NTRK2: variants seen among roughly 807,000 people sequenced by gnomAD.
The protein encoded by NTRK2 is neurotrophic receptor tyrosine kinase 2.
Under a neutral mutation model 94.5 loss-of-function variants are expected in NTRK2, and 13 were observed. The ratio of observed to expected loss-of-function variants is 0.14; its 90% CI spans 0.09 to 0.22. The LOEUF (loss-of-function observed/expected upper bound fraction) is 0.22, where lower values mean the gene tolerates loss of function less well. NTRK2 is among the 10% of genes least tolerant of loss of function. NTRK2 has a pLI of 1.00. For missense variants in NTRK2, 639 were observed against 1,071.2 expected, an observed-to-expected ratio of 0.60 and a Z score of 5.63; for synonymous variants, 372 against 407.4, an observed-to-expected ratio of 0.91 and a Z score of 1.05.
intron 12 of NTRK2, among the ~76,000 whole-genome samples, chr9:84,821,809 G>A (rs889026111): frequency 1.2e-5 from 1 of 86,912 alleles, no homozygotes; most frequent in African/African-American, 4.1e-5. Flanking sequence ...CAGAGAGGGA[G>A]AGAAGTAGAG....
intron 17 of NTRK2, among the ~76,000 whole-genome samples, chr9:84,986,903 T>C (rs993981945): frequency 6.6e-6 from 1 of 152,184 alleles, no homozygotes; most frequent in Admixed American, 6.5e-5. Context: ...CTAGAAAACA[T>C]GCAAAAGTAT....
chr9:85,003,836 ATATGT>A (rs1830584492), intron 17 of NTRK2, among the ~76,000 whole-genome samples: 1 of 151,024 alleles, frequency 6.6e-6, no homozygotes, highest in African/African-American at 2.4e-5. Flanking sequence ...TGCAATCAGA[ATATGT>A]TCTGCAGGTA....
At chr9:84,811,927 C>G (rs1218582403) in intron 12 of NTRK2, 1 of 980,308 alleles carries the variant, frequency 1.0e-6, no homozygotes, top group African/African-American at 1.8e-5. Context: ...CCACCCCACC[C>G]TGTTCCTTTT....
At chr9:84,875,317 G>A (rs199759267) in intron 14 of NTRK2, 5 of 1,059,448 alleles carry the variant, frequency 4.7e-6, no homozygotes, top group Admixed American at 5.4e-5. Context: ...GGTTAAGAGC[G>A]GGGGTCTGGC....
intron 12 of NTRK2, among the ~76,000 whole-genome samples, chr9:84,800,356 A>G (rs2070270521): frequency 6.6e-6 from 1 of 152,154 alleles, no homozygotes; most frequent in Non-Finnish European, 1.5e-5. Context: ...GGCACCTGCC[A>G]TCACACCAGC....
chr9:84,966,067 T>A lies in NTRK2; in HGVS notation c.2172+10550T>A, dbSNP rs79836430. The stretch of plus-strand genomic sequence containing the variant: ...ACCATAAGAACTTAGCACAGTCATG[T>A]TGCCTGAGGGATTCTGCTTACCAGG... On this transcript the variant is annotated intron_variant, in intron 17 of 18. Transcript: ENST00000277120. 8.8e-3 allele frequency among the ~76,000 whole-genome samples: 1,335 copies of A among 152,344 alleles called. 17 individuals carry two copies. Among genetic ancestry groups the A allele is most frequent in the African/African-American group, 0.03 (1,252 of 41,582 alleles).
chr9:84,676,535 T>C (rs1221853381), intron 2 of NTRK2, among the ~76,000 whole-genome samples: 1 of 152,174 alleles, frequency 6.6e-6, no homozygotes, highest in East Asian at 1.9e-4. Context: ...GAAAGGGCTT[T>C]AGAAATGATC....
chr9:84,870,122 T>TATATATATAC (rs1564410499), intron 14 of NTRK2, among the ~76,000 whole-genome samples: 23 of 132,990 alleles, frequency 1.7e-4, no homozygotes, highest in African/African-American at 6.2e-4. Flanking sequence ...TATATATATA[T>TATATATATAC]ATATACACAC....
At position 84,999,422 on chromosome 9, in the gene NTRK2, G is replaced by A. The variant is rs188079856; in HGVS notation, c.2173-20784G>A. 3.4e-4 allele frequency among the ~76,000 whole-genome samples: 52 copies of A among 152,006 alleles called. 1 individual carries two copies. In the East Asian group the frequency reaches 7.7e-3, roughly 23 times the overall value. On this transcript the variant is annotated intron_variant, in intron 17 of 18. Transcript: ENST00000277120. ...TAGCTATGGTACTACCAGCATATTG[G>A]GCCATTAGGGCACAAATTATTATAA...
At chr9:84,910,512 A>C (rs994600514) in intron 14 of NTRK2, among the ~76,000 whole-genome samples, 1 of 152,124 alleles carries the variant, frequency 6.6e-6, no homozygotes, top group Admixed American at 6.5e-5. Context: ...CATTGGATTT[A>C]AGGCCTACTC....
rs1373575512 is a variant in NTRK2 at position 85,025,151 on chromosome 9, T to C, written c.*3714T>C. On this transcript the variant is annotated 3_prime_UTR_variant, in exon 19 of 19. Coordinates refer to ENST00000277120, the MANE Select transcript of NTRK2 (RefSeq NM_006180.6). ...CTTTTCAACTCTGTGCAGTACTGCA[T>C]GGGTGGAAGACATATTTAAGATAAT... The C allele has an allele frequency of 1.3e-5, 3 of 233,078 alleles. No homozygotes were observed. Among genetic ancestry groups the C allele is most frequent in the South Asian group, 1.8e-4 (1 of 5,536 alleles). The allele number at this position is 233,078 out of a possible 1,614,324, so 14.4% of individuals were successfully genotyped here. A position where few individuals can be genotyped will look rare whatever the true frequency, so the allele number is the denominator to read the frequency against.
At chr9:84,878,896 A>T (rs950162849) in intron 14 of NTRK2, among the ~76,000 whole-genome samples, 1 of 152,134 alleles carries the variant, frequency 6.6e-6, no homozygotes, top group Non-Finnish European at 1.5e-5. Context: ...ATTGTCTGTC[A>T]GTCTTCGGAT....
At chr9:84,873,803 A>G (rs3780634) in intron 14 of NTRK2, 178,257 of 1,056,366 alleles carry the variant, frequency 0.17, 15,515 homozygotes, top group Admixed American at 0.23. Context: ...AATATCACCC[A>G]AGTATAGTAT....
intron 16 of NTRK2, among the ~76,000 whole-genome samples, chr9:84,951,747 C>A (rs1187278218): frequency 1.3e-5 from 2 of 152,164 alleles, no homozygotes; most frequent in African/African-American, 4.8e-5. Context: ...TTTGCCATGC[C>A]AAAAGTCTAG....
intron 14 of NTRK2, chr9:84,876,492 TAG>T: frequency 9.5e-7 from 1 of 1,055,158 alleles, no homozygotes; most frequent in Non-Finnish European, 1.1e-6. Context: ...TACTGAGGAA[TAG>T]AGAGGCACTA....
At chr9:84,791,134 T>C (rs927914596) in intron 12 of NTRK2, among the ~76,000 whole-genome samples, 16 of 152,182 alleles carry the variant, frequency 1.1e-4, no homozygotes, top group Non-Finnish European at 2.9e-5. Flanking sequence ...TGGTAACTTA[T>C]GCAAAAAGTT....
intron 4 of NTRK2, among the ~76,000 whole-genome samples, chr9:84,705,952 G>T (rs1337167299): frequency 2.0e-5 from 3 of 151,856 alleles, no homozygotes; most frequent in African/African-American, 7.3e-5. Context: ...ACCACACCAG[G>T]TGAATTTTTG....
intron 2 of NTRK2, among the ~76,000 whole-genome samples, chr9:84,699,457 T>C (rs928458150): frequency 4.6e-5 from 7 of 152,234 alleles, no homozygotes; most frequent in African/African-American, 1.7e-4. Flanking sequence ...AGTGACCATT[T>C]TTCATAACTT....
intron 12 of NTRK2, among the ~76,000 whole-genome samples, chr9:84,778,811 T>A (rs1452681658): frequency 1.3e-5 from 2 of 152,216 alleles, no homozygotes; most frequent in Non-Finnish European, 1.5e-5. Context: ...AATGTCCCTA[T>A]CTTCTGGTGT....
Sources: gnomAD v4.1 joint callset for allele counts (sites outside exome capture counted in the v4.1 genomes callset) on GRCh38, gnomAD v4.1.1 for gene constraint, MANE v1.5 for transcripts, NCBI Gene and HGNC (gene_info 2026-07-23, HGNC 2026-07-21) for gene names.